The following DYNC2H1 variants were observed in gnomAD, a reference collection of about 807,000 sequenced individuals.
The protein encoded by DYNC2H1 is dynein cytoplasmic 2 heavy chain 1.
A neutral mutation model predicts 570.0 loss-of-function variants in DYNC2H1; 410 were observed. The ratio of observed to expected loss-of-function variants is 0.72; its 90% CI spans 0.66 to 0.78. The LOEUF is 0.78. DYNC2H1 is among the 30% of genes least tolerant of loss of function. The probability of loss-of-function intolerance (pLI) is 0.00; values close to 1 mark genes in which losing one functional copy is unlikely to be tolerated. For synonymous variants in DYNC2H1, 1,688 were observed against 1,677.6 expected, an observed-to-expected ratio of 1.01 and a Z score of -0.15; for missense variants, 4,865 against 5,046.4, an observed-to-expected ratio of 0.96 and a Z score of 1.09.
Position 103,323,990 on chromosome 11 carries a change from G to A in DYNC2H1, c.12039G>A (p.Gln4013=). 6.3e-7 allele frequency: 1 copy of A among 1,577,364 alleles called. No individual in the cohort carries two copies. The highest frequency in any genetic ancestry group is 8.6e-7 in the Non-Finnish European group (1 of 1,166,144). The change falls in exon 82 of 89, where the codon CAG becomes CAA. Residue 4013 remains glutamine (Q), a splice_region_variant and synonymous_variant. Coordinates refer to ENST00000375735, the MANE Select transcript of DYNC2H1 (RefSeq NM_001377.3). The part of the protein sequence containing the change: ...ARSSQRMISS[Q]VISQLRILGR... ...CATCTCAGCGCATGATCAGTTCTCA[G>A]GTAACCTAAAAAAAAGATCTACCTT...
In DYNC2H1 at chr11:103,239,013, A is replaced by G. The variant is rs1864326979; in HGVS notation, c.9819+2474A>G. Among the ~76,000 whole-genome samples, 1 of 152,216 alleles carries G rather than the reference A, an allele frequency of 6.6e-6. No individual in the cohort carries two copies. The highest frequency in any genetic ancestry group is 2.4e-5 in the African/African-American group (1 of 41,462). The stretch of plus-strand genomic sequence containing the variant: ...TAAATTATATGATCTAATATTGGTC[A>G]ACTCAGTGGATAATGGAAAGTATAA... On this transcript the variant is annotated intron_variant, in intron 63 of 88. Coordinates refer to ENST00000375735, the MANE Select transcript of DYNC2H1 (RefSeq NM_001377.3). This position sits in a 1 kb window ranked among gnomAD's most constrained non-coding sequence, Gnocchi z 4.3.
At chr11:103,274,640 C>T (rs1461102179) in intron 70 of DYNC2H1, among the ~76,000 whole-genome samples, 4 of 152,150 alleles carry the variant, frequency 2.6e-5, no homozygotes, top group Non-Finnish European at 5.9e-5. Flanking sequence ...CTACGCTACA[C>T]ATCTTCCCAA....
chr11:103,301,071 G>C (rs2135391178), intron 75 of DYNC2H1, among the ~76,000 whole-genome samples: 1 of 151,884 alleles, frequency 6.6e-6, no homozygotes, highest in Non-Finnish European at 1.5e-5. Context: ...GTATGCCTTT[G>C]CTTTCTTTTT....
chr11:103,240,112 A>T (rs1864372753), intron 63 of DYNC2H1, among the ~76,000 whole-genome samples: 1 of 152,114 alleles, frequency 6.6e-6, no homozygotes, highest in South Asian at 2.1e-4. Context: ...AATAGCTGAG[A>T]TGTCTAAAAG....
At chr11:103,179,382 CAG>C (rs1456749672) in intron 39 of DYNC2H1, 149 bp downstream of exon 39, 28 of 641,814 alleles carry the variant, frequency 4.4e-5, no homozygotes, top group African/African-American at 2.8e-4. Context: ...TTAATTAATT[CAG>C]AGAGTTCCTG....
chr11:103,387,941 C>T (rs1275291085), intron 83 of DYNC2H1, among the ~76,000 whole-genome samples: 1 of 152,126 alleles, frequency 6.6e-6, no homozygotes, highest in Non-Finnish European at 1.5e-5. Context: ...TAGTGTGATG[C>T]CTCCAGCTTT....
At chr11:103,458,508 A>C in intron 87 of DYNC2H1, among the ~76,000 whole-genome samples, 1 of 152,192 alleles carries the variant, frequency 6.6e-6, no homozygotes, top group East Asian at 1.9e-4. Context: ...ATTTCAGATA[A>C]GGGATACTCA....
Position 103,223,072 on chromosome 11 carries a change from G to A in DYNC2H1, c.9339G>A (p.Gln3113=). The A allele has an allele frequency of 6.2e-7, 1 of 1,611,536 alleles. No homozygotes were observed. Residue 3113 remains glutamine (Q), a synonymous_variant, in exon 59 of 89, where the codon CAG becomes CAA. Coordinates refer to ENST00000375735, the MANE Select transcript of DYNC2H1 (RefSeq NM_001377.3). ...LERIHPLETE[Q]AGLESNLKKT... is the part of the protein sequence containing the mutation. ...GAATTCATCCTTTGGAAACTGAACA[G>A]GCAGGATTAGAATCGTAAGTGAAAT...
chr11:103,446,805 T>C lies in DYNC2H1; in HGVS notation c.12457-8381T>C, dbSNP rs966308114. Among the ~76,000 whole-genome samples, 1 of 152,044 alleles carries C rather than the reference T, an allele frequency of 6.6e-6. No individual in the cohort carries two copies. Among genetic ancestry groups the C allele is most frequent in the African/African-American group, 2.4e-5 (1 of 41,416 alleles). ...AAAGGCAAGAGGAAATAGGGCCCAA[T>C]GCACATGTGGAAAGATAGGCCTTAA... On this transcript the variant is annotated intron_variant, in intron 85 of 88. Transcript: ENST00000375735. This position sits in a 1 kb window ranked among gnomAD's most constrained non-coding sequence, Gnocchi z 4.5.
chr11:103,460,107 G>T (rs1053720768), intron 87 of DYNC2H1, among the ~76,000 whole-genome samples: 2 of 152,090 alleles, frequency 1.3e-5, no homozygotes, highest in Non-Finnish European at 2.9e-5. Context: ...TCCTGCCTCA[G>T]CTTCTTGAGT....
chr11:103,188,605 C>T lies in DYNC2H1; in HGVS notation c.7249C>T (p.Leu2417Phe). The T allele has an allele frequency of 6.2e-7, 1 of 1,609,810 alleles. No homozygotes were observed. Among genetic ancestry groups the T allele is most frequent in the Non-Finnish European group, 8.5e-7 (1 of 1,177,592 alleles). ...TGGAGGAAGACTGGGAAGACATAAA[C>T]TTACTACCAGATTTACTTCCATCGT... ...SAGGRLGRHK[L>F]TTRFTSIVRL... The change falls in exon 44 of 89, where the codon CTT becomes TTT. Residue 2417 changes from leucine to phenylalanine, a missense_variant. Around this residue, in one of 5 missense-constraint regions of DYNC2H1, gnomAD observed 2,401 missense variants for 2,454.6 expected, o/e 0.98. Coordinates refer to ENST00000375735, the MANE Select transcript of DYNC2H1 (RefSeq NM_001377.3).
chr11:103,404,339 T>C (rs1444071541), intron 84 of DYNC2H1: 1 of 151,486 alleles, frequency 6.6e-6, no homozygotes, highest in Non-Finnish European at 1.5e-5. Context: ...GTTCTTCGAA[T>C]GTGTGGTAAG....
At chr11:103,207,435 T>C (rs1428418912) in intron 52 of DYNC2H1, among the ~76,000 whole-genome samples, 2 of 152,010 alleles carry the variant, frequency 1.3e-5, no homozygotes, top group Non-Finnish European at 2.9e-5. Context: ...GGAGGAATCA[T>C]TTGTGATAAC....
intron 63 of DYNC2H1, 118 bp downstream of exon 63, chr11:103,236,657 A>ATTTT: frequency 1.9e-6 from 1 of 535,970 alleles, no homozygotes; most frequent in Non-Finnish European, 3.2e-6. Flanking sequence ...TAAAATAAAA[A>ATTTT]TATTTTGCTA....
intron 82 of DYNC2H1, among the ~76,000 whole-genome samples, chr11:103,330,785 C>G (rs910981201): frequency 6.6e-6 from 1 of 151,966 alleles, no homozygotes; most frequent in Non-Finnish European, 1.5e-5. Flanking sequence ...TTTTATCTTT[C>G]TAATTAAGCA....
chr11:103,112,313 C>T (rs1211912832), intron 1 of DYNC2H1, among the ~76,000 whole-genome samples: 1 of 152,134 alleles, frequency 6.6e-6, no homozygotes, highest in Non-Finnish European at 1.5e-5. Flanking sequence ...ACAGGCTGAT[C>T]ATTTAGGACA....
At position 103,311,865 on chromosome 11, in the gene DYNC2H1, AT is replaced by A. The variant is rs1347977815; in HGVS notation, c.11494-5del. ...GATTTTAGCAATAGGATGTCTGTTG[AT>A]TTTTTTTCTAGTCACCTCCAGGTTT... On this transcript the variant is annotated splice_polypyrimidine_tract_variant and intron_variant, in intron 78 of 88. Coordinates refer to ENST00000375735, the MANE Select transcript of DYNC2H1 (RefSeq NM_001377.3). The A allele has an allele frequency of 2.5e-6, 4 of 1,596,944 alleles. No homozygotes were observed. Among genetic ancestry groups the A allele is most frequent in the South Asian group, 2.3e-5 (2 of 87,090 alleles).
chr11:103,474,862 G>A (rs752298934), intron 88 of DYNC2H1, among the ~76,000 whole-genome samples: 2 of 152,104 alleles, frequency 1.3e-5, no homozygotes, highest in African/African-American at 4.8e-5. Context: ...ATGAATAAGA[G>A]GGGACTACTG....
intron 43 of DYNC2H1, among the ~76,000 whole-genome samples, chr11:103,187,884 G>A (rs1032686100): frequency 1.3e-5 from 2 of 152,060 alleles, no homozygotes; most frequent in African/African-American, 4.8e-5. Context: ...GGACATGGTG[G>A]TGGAGGTGGA....
Sources: allele counts gnomAD v4.1 joint callset (sites outside exome capture counted in the v4.1 genomes callset), GRCh38; gene constraint gnomAD v4.1.1; regional missense constraint gnomAD v4.1.1; non-coding constraint Gnocchi (gnomAD v3.1); transcripts MANE v1.5; gene names NCBI Gene and HGNC (gene_info 2026-07-23, HGNC 2026-07-21).